KDM6A: variants seen among roughly 807,000 people sequenced by gnomAD.
KDM6A encodes lysine-specific demethylase 6A.
In KDM6A, 11 loss-of-function variants were observed where a neutral mutation model predicts 117.6. That is an observed-to-expected ratio of 0.09 (90% confidence interval 0.06 to 0.15). The LOEUF (loss-of-function observed/expected upper bound fraction) is 0.15, where lower values mean the gene tolerates loss of function less well. Ranked by LOEUF, KDM6A falls within the 10% of genes least tolerant of loss-of-function variation. The probability of loss-of-function intolerance (pLI) is 1.00; values close to 1 mark genes in which losing one functional copy is unlikely to be tolerated. For missense variants in KDM6A, 799 were observed against 1,077.3 expected, an observed-to-expected ratio of 0.74 and a Z score of 3.62; for synonymous variants, 384 against 396.1, an observed-to-expected ratio of 0.97 and a Z score of 0.36.
At chrX:44,944,096 A>C (rs2037493231) in intron 2 of KDM6A, among the ~76,000 whole-genome samples, 1 of 111,641 alleles carries the variant, frequency 9.0e-6, no homozygotes, top group African/African-American at 3.3e-5. Flanking sequence ...TCACACCTGT[A>C]ATCCCAGCGC....
intron 5 of KDM6A, among the ~76,000 whole-genome samples, chrX:45,011,846 C>T (rs946410895): frequency 2.7e-5 from 3 of 110,704 alleles, no homozygotes; most frequent in Non-Finnish European, 5.7e-5. Context: ...AGTGCAGTGG[C>T]GAGATTGCAG....
At chrX:44,887,598 G>A (rs2032998486) in intron 2 of KDM6A, among the ~76,000 whole-genome samples, 1 of 111,221 alleles carries the variant, frequency 9.0e-6, no homozygotes, top group African/African-American at 3.3e-5. Context: ...GATGCTAGGG[G>A]AAGACAATTT....
At chrX:45,049,006 C>T (rs991798116) in intron 8 of KDM6A, among the ~76,000 whole-genome samples, 2 of 111,314 alleles carry the variant, frequency 1.8e-5, no homozygotes, top group Non-Finnish European at 3.8e-5. Flanking sequence ...CTCCATACTA[C>T]AAGCAGTACT....
intron 10 of KDM6A, among the ~76,000 whole-genome samples, chrX:45,055,613 C>T (rs1435971132): frequency 9.0e-6 from 1 of 110,980 alleles, no homozygotes; most frequent in Non-Finnish European, 1.9e-5. Context: ...AGTGGCTATT[C>T]GATAAATGGA....
chrX:44,944,554 G>C (rs184840761), intron 2 of KDM6A, among the ~76,000 whole-genome samples: 1 of 111,530 alleles, frequency 9.0e-6, no homozygotes, highest in Admixed American at 9.6e-5. Context: ...CATGAACACA[G>C]TATCTTCTCT....
chrX:45,002,597 T>C (rs1279616356), intron 4 of KDM6A, among the ~76,000 whole-genome samples: 1 of 112,565 alleles, frequency 8.9e-6, no homozygotes, highest in Non-Finnish European at 1.9e-5. Flanking sequence ...AGGTATATTT[T>C]ACTTTCCTTA....
At chrX:44,943,994 A>T (rs1419730953) in intron 2 of KDM6A, among the ~76,000 whole-genome samples, 1 of 111,577 alleles carries the variant, frequency 9.0e-6, no homozygotes, top group Admixed American at 9.5e-5. Flanking sequence ...ATTCATATAG[A>T]TAATATAGTG....
chrX:44,918,182 T>G (rs1208615157), intron 2 of KDM6A, among the ~76,000 whole-genome samples: 1 of 111,774 alleles, frequency 8.9e-6, no homozygotes, highest in African/African-American at 3.2e-5. Context: ...AATTTATAAA[T>G]TAAATATAAA....
intron 2 of KDM6A, among the ~76,000 whole-genome samples, chrX:44,925,821 C>T (rs970385935): frequency 1.8e-5 from 2 of 111,678 alleles, no homozygotes; most frequent in Admixed American, 9.5e-5. Context: ...ACTGTTGTCC[C>T]ACTAGATTTT....
At chrX:44,991,683 T>A (rs981270392) in intron 4 of KDM6A, among the ~76,000 whole-genome samples, 2 of 110,868 alleles carry the variant, frequency 1.8e-5, no homozygotes, top group African/African-American at 6.5e-5. Context: ...GTGTTTTTGT[T>A]GTTGTTGTTG....
At chrX:44,975,475 G>A (rs866290741) in intron 4 of KDM6A, among the ~76,000 whole-genome samples, 4 of 110,644 alleles carry the variant, frequency 3.6e-5, no homozygotes, top group Middle Eastern at 4.6e-3. Context: ...TGAGAACACC[G>A]TGTAGAGGTT....
chrX:44,886,326 G>T (rs2032874897), intron 2 of KDM6A, among the ~76,000 whole-genome samples: 1 of 111,031 alleles, frequency 9.0e-6, no homozygotes, highest in Non-Finnish European at 1.9e-5. Flanking sequence ...GGGATTACAG[G>T]CGTGAGCCAC....
chrX:45,047,786 C>A (rs1602732698), intron 8 of KDM6A, among the ~76,000 whole-genome samples: 1 of 97,673 alleles, frequency 1.0e-5, no homozygotes. Flanking sequence ...CAGGTTCAAG[C>A]GATTCTCGTG....
chrX:45,002,362 G>T (rs1461557401), intron 4 of KDM6A, among the ~76,000 whole-genome samples: 3 of 111,691 alleles, frequency 2.7e-5, no homozygotes, highest in Non-Finnish European at 5.6e-5. Context: ...TAAAGAGCAG[G>T]TTAGTGCTTT....
intron 2 of KDM6A, among the ~76,000 whole-genome samples, chrX:44,899,224 CGTGT>C (rs572085670): frequency 0.1 from 5,002 of 49,105 alleles, 378 homozygotes; most frequent in African/African-American, 0.26. Context: ...TGTGTGTATG[CGTGT>C]GTGTGTGTGT....
chrX:44,956,248 A>G (rs149872783), intron 2 of KDM6A, among the ~76,000 whole-genome samples: 1,131 of 112,262 alleles, frequency 0.01, 14 homozygotes, highest in African/African-American at 0.035. Flanking sequence ...GAAATGTGCT[A>G]TTCAGAACTG....
In KDM6A at chrX:45,063,690, C is replaced by T. The variant is rs773022554; in HGVS notation, c.1952C>T (p.Thr651Ile). 5.0e-6 allele frequency: 6 copies of T among 1,209,601 alleles called. No individual in the cohort carries two copies. The highest frequency in any genetic ancestry group is 6.7e-6 in the Non-Finnish European group (6 of 894,224). The part of the protein sequence containing the change: ...DTILIGNNHI[T>I]GSGSNGNVPY... The stretch of plus-strand genomic sequence containing the variant: ...ATTTTGATAGGCAATAATCATATAA[C>T]AGGAAGTGGAAGTAATGGAAACGTG... The change falls in exon 17 of 30, where the codon ACA becomes ATA. Residue 651 changes from threonine to isoleucine, a missense_variant. Around this residue, in one of 8 missense-constraint regions of KDM6A, gnomAD observed 301 missense variants for 318.3 expected, o/e 0.95. Transcript: ENST00000611820.
rs375945784 is a variant in KDM6A at position 44,946,628 on chromosome X, G to A, written c.226-14656G>A. 2.4e-3 allele frequency among the ~76,000 whole-genome samples: 263 copies of A among 110,653 alleles called. 5 individuals are homozygous for A. In the South Asian group the frequency reaches 0.061, roughly 26 times the overall value. ...TTGTCTAATTTTAAAGAAATCCCACGCTATCCTAATGTCAAAGCCATTTTT... is the reference window on the plus strand; with the variant it reads ...TTGTCTAATTTTAAAGAAATCCCACACTATCCTAATGTCAAAGCCATTTTT... On this transcript the variant is annotated intron_variant, in intron 2 of 29. Coordinates refer to ENST00000611820, the MANE Select transcript of KDM6A (RefSeq NM_001291415.2).
chrX:44,874,590 A>G (rs927326550), intron 2 of KDM6A, among the ~76,000 whole-genome samples: 1 of 111,260 alleles, frequency 9.0e-6, no homozygotes, highest in Non-Finnish European at 1.9e-5. Context: ...GCATAGAAAT[A>G]CCGTAGTTAT....
Sources: gnomAD v4.1 joint callset for allele counts (sites outside exome capture counted in the v4.1 genomes callset) on GRCh38, gnomAD v4.1.1 for gene constraint, gnomAD v4.1.1 regional missense constraint, MANE v1.5 for transcripts, NCBI Gene and HGNC (gene_info 2026-07-23, HGNC 2026-07-21) for gene names.